Variants in CACNA2D2 observed in about 807,000 individuals in gnomAD.
CACNA2D2 encodes calcium voltage-gated channel auxiliary subunit alpha2delta 2.
CACNA2D2 carries 48 observed loss-of-function variants against 166.4 expected under a neutral mutation model. The ratio of observed to expected loss-of-function variants is 0.29; its 90% CI spans 0.23 to 0.37. The LOEUF (loss-of-function observed/expected upper bound fraction) is 0.37. CACNA2D2 is among the 10% of genes least tolerant of loss of function. CACNA2D2 has a pLI of 1.00. For synonymous variants in CACNA2D2, 561 were observed against 573.7 expected, an observed-to-expected ratio of 0.98 and a Z score of 0.32; for missense variants, 1,122 against 1,433.0, an observed-to-expected ratio of 0.78 and a Z score of 3.50.
chr3:50,420,047 T>C (rs1177521334), intron 3 of CACNA2D2: 1 of 152,264 alleles, frequency 6.6e-6, no homozygotes, highest in African/African-American at 2.4e-5. Context: ...TGGCCTCTGC[T>C]CCTTGCCTGC....
chr3:50,437,914 T>C (rs1403119713), intron 2 of CACNA2D2, among the ~76,000 whole-genome samples: 1 of 151,956 alleles, frequency 6.6e-6, no homozygotes, highest in Non-Finnish European at 1.5e-5. Context: ...GAGAGTTAAT[T>C]AGAAAAAGCC....
chr3:50,411,934 G>T (rs1186206984), intron 3 of CACNA2D2, among the ~76,000 whole-genome samples: 7 of 152,160 alleles, frequency 4.6e-5, no homozygotes. Context: ...AAAGGTGCAT[G>T]GGCTGAGGGG....
At position 50,375,609 on chromosome 3, in the gene CACNA2D2, A is replaced by C. The variant is rs1159032260; in HGVS notation, c.1907+35T>G. ...TGGGCTCAGATTCTGGGGCCACCCC[A>C]CCCTCTCTGCCCGCCCAGCCCTGGC... On this transcript the variant is annotated intron_variant, in intron 21 of 37. Coordinates refer to ENST00000424201, the MANE Select transcript of CACNA2D2 (RefSeq NM_006030.4). The surrounding 1 kb of genome is among the most constrained non-coding windows in gnomAD (Gnocchi z 4.0). The C allele has an allele frequency of 2.5e-6, 4 of 1,588,578 alleles. No individual in the cohort carries two copies. In the African/African-American group the frequency reaches 5.4e-5, roughly 21 times the overall value.
intron 22 of CACNA2D2, among the ~76,000 whole-genome samples, chr3:50,371,605 C>T (rs904979014): frequency 3.9e-5 from 6 of 152,130 alleles, no homozygotes; most frequent in African/African-American, 1.2e-4. Flanking sequence ...GACAGATTGT[C>T]CCTGATACCA....
At chr3:50,420,835 C>T (rs904713599) in intron 3 of CACNA2D2, among the ~76,000 whole-genome samples, 1 of 152,106 alleles carries the variant, frequency 6.6e-6, no homozygotes, top group Non-Finnish European at 1.5e-5. Flanking sequence ...TTCCTCCTTG[C>T]CCCCAGCCTG....
At chr3:50,478,184 C>A (rs1316975620) in intron 1 of CACNA2D2, among the ~76,000 whole-genome samples, 2 of 152,358 alleles carry the variant, frequency 1.3e-5, no homozygotes, top group East Asian at 3.9e-4. Context: ...GGAGGCCAGG[C>A]TGCAGGCTGG....
At position 50,363,411 on chromosome 3, in the gene CACNA2D2, C is replaced by A; in HGVS notation, c.*1255G>T. ...CCCCACTGGCCCCCAGGCTGGGATG[C>A]CTTTGGGGGAAATGACCAGAATGAA... On this transcript the variant is annotated 3_prime_UTR_variant, in exon 38 of 38. Transcript: ENST00000424201. 2 of 397,116 alleles carry A rather than the reference C, an allele frequency of 5.0e-6. No individual in the cohort carries two copies. The highest frequency in any genetic ancestry group is 8.9e-6 in the Non-Finnish European group (2 of 225,592). The allele number at this position is 397,116 out of a possible 1,614,324, so 24.6% of individuals were successfully genotyped here.
In CACNA2D2 at chr3:50,463,917, T is replaced by C. The variant is rs180987789; in HGVS notation, c.288+12201A>G. Among the ~76,000 whole-genome samples, 60 of 152,234 alleles carry C rather than the reference T, an allele frequency of 3.9e-4. No individual in the cohort carries two copies. The East Asian group carries it at 0.011, about 28-fold the overall frequency. On this transcript the variant is annotated intron_variant, in intron 2 of 37. Transcript: ENST00000424201. ...CTCAGCTGAGAGGAGTCCAACACAG[T>C]TTGGATGAAGCCCAGCGCACCTGGC...
Position 50,367,325 on chromosome 3 carries a change from G to T in CACNA2D2, c.2401+69C>A. 1 of 1,433,394 alleles carries T rather than the reference G, an allele frequency of 7.0e-7. No individual in the cohort carries two copies. Among genetic ancestry groups the T allele is most frequent in the Non-Finnish European group, 9.8e-7 (1 of 1,022,644 alleles). The allele number at this position is 1,433,394 out of a possible 1,614,324, so 88.8% of individuals were successfully genotyped here. On this transcript the variant is annotated intron_variant, in intron 27 of 37. Transcript: ENST00000424201. This position sits in a 1 kb window ranked among gnomAD's most constrained non-coding sequence, Gnocchi z 6.5. ...GAGGGGCCTCAGACAGCAGAGCCCA[G>T]TTCTGGCTGAGCAGACAGGGAAGCT...
In CACNA2D2 at chr3:50,379,696, T is replaced by G; in HGVS notation, c.993+29A>C. ...GAGCAGGGCAGATGGGGTGACCCATTTCACCCCGTCTGCCACCTTGGCACT... is the reference window on the plus strand; with the variant it reads ...GAGCAGGGCAGATGGGGTGACCCATGTCACCCCGTCTGCCACCTTGGCACT... On this transcript the variant is annotated intron_variant, in intron 10 of 37. Coordinates refer to ENST00000424201, the MANE Select transcript of CACNA2D2 (RefSeq NM_006030.4). The surrounding 1 kb of genome is among the most constrained non-coding windows in gnomAD (Gnocchi z 6.5). 1 of 1,609,932 alleles carries G rather than the reference T, an allele frequency of 6.2e-7. No homozygotes were observed. The highest frequency in any genetic ancestry group is 8.5e-7 in the Non-Finnish European group (1 of 1,176,664).
chr3:50,405,605 G>T (rs1370185797), intron 3 of CACNA2D2, among the ~76,000 whole-genome samples: 1 of 152,192 alleles, frequency 6.6e-6, no homozygotes, highest in Admixed American at 6.5e-5. Context: ...CTGCTCAGTG[G>T]GCTGAAATAT....
chr3:50,480,468 G>T (rs1405259468), intron 1 of CACNA2D2, among the ~76,000 whole-genome samples: 1 of 152,026 alleles, frequency 6.6e-6, no homozygotes, highest in East Asian at 1.9e-4. Flanking sequence ...AAGCTTGTGT[G>T]GGGGGTGGGG....
intron 1 of CACNA2D2, among the ~76,000 whole-genome samples, chr3:50,492,312 C>CCCATCACTCCCTGCCTTCT (rs1560003868): frequency 6.6e-6 from 1 of 152,232 alleles, no homozygotes; most frequent in East Asian, 1.9e-4. Context: ...CATCTGAACC[C>CCCATCACTCCCTGCCTTCT]GCAACTTGCT....
chr3:50,494,650 C>T (rs953718927), intron 1 of CACNA2D2, among the ~76,000 whole-genome samples: 1 of 152,104 alleles, frequency 6.6e-6, no homozygotes, highest in South Asian at 2.1e-4. Context: ...TGCCCCCCGA[C>T]CCATGCCATA....
intron 3 of CACNA2D2, among the ~76,000 whole-genome samples, chr3:50,411,576 G>A (rs188029900): frequency 2.6e-5 from 4 of 152,360 alleles, no homozygotes; most frequent in Admixed American, 2.6e-4. Context: ...ATGGGTACCT[G>A]TTGTCCATAT....
intron 2 of CACNA2D2, among the ~76,000 whole-genome samples, chr3:50,457,451 A>G (rs1709410310): frequency 6.6e-6 from 1 of 152,152 alleles, no homozygotes; most frequent in South Asian, 2.1e-4. Context: ...AGTTTTTCAA[A>G]AACTGTCTAG....
chr3:50,386,762 C>T (rs1025734605), intron 5 of CACNA2D2, among the ~76,000 whole-genome samples: 1 of 152,228 alleles, frequency 6.6e-6, no homozygotes, highest in Admixed American at 6.5e-5. Flanking sequence ...AATCAGCCAG[C>T]AGTCTAGACA....
rs1238423467 is a variant in CACNA2D2, at chr3:50,367,786, G to GC, written c.2234+25dup. ...GCCTCTGGGCCCATCCTAGCCTTCT[G>GC]CCCCCACAGGCTGGGTGATGCCTAC... On this transcript the variant is annotated intron_variant, in intron 25 of 37. Transcript: ENST00000424201. This position sits in a 1 kb window ranked among gnomAD's most constrained non-coding sequence, Gnocchi z 6.5. 1 of 1,612,282 alleles carries GC rather than the reference G, an allele frequency of 6.2e-7. No homozygotes were observed. Among genetic ancestry groups the GC allele is most frequent in the Non-Finnish European group, 8.5e-7 (1 of 1,178,854 alleles).
At chr3:50,399,274 T>C (rs1575628698) in intron 3 of CACNA2D2, among the ~76,000 whole-genome samples, 1 of 152,234 alleles carries the variant, frequency 6.6e-6, no homozygotes, top group Non-Finnish European at 1.5e-5. Flanking sequence ...GAGGAGCAAC[T>C]GCCCATCAAA....
Sources: gnomAD v4.1 joint callset for allele counts (sites outside exome capture counted in the v4.1 genomes callset) on GRCh38, gnomAD v4.1.1 for gene constraint, Gnocchi (gnomAD v3.1) non-coding constraint, MANE v1.5 for transcripts, NCBI Gene and HGNC (gene_info 2026-07-23, HGNC 2026-07-21) for gene names.